The following ROR1 variants were observed in gnomAD, a reference collection of about 807,000 sequenced individuals.
The protein encoded by ROR1 is ROR family WNT receptor 1, also known as inactive tyrosine-protein kinase transmembrane receptor ROR1.
ROR1 carries 19 observed loss-of-function variants against 78.8 expected under a neutral mutation model. The ratio of observed to expected loss-of-function variants is 0.24; its 90% CI spans 0.17 to 0.35. ROR1 has a LOEUF of 0.35. Ranked by LOEUF, ROR1 falls within the 10% of genes least tolerant of loss-of-function variation. ROR1 has a pLI of 1.00. For synonymous variants in ROR1, 386 were observed against 433.6 expected, an observed-to-expected ratio of 0.89 and a Z score of 1.36; for missense variants, 917 against 1,177.8, an observed-to-expected ratio of 0.78 and a Z score of 3.24.
chr1:64,029,536 G>A (rs897120645), intron 2 of ROR1, among the ~76,000 whole-genome samples: 4 of 152,110 alleles, frequency 2.6e-5, no homozygotes. Flanking sequence ...CAGTTCTGGA[G>A]GCTGGAAAGT....
chr1:64,046,894 A>T (rs1646789310), intron 2 of ROR1, among the ~76,000 whole-genome samples: 1 of 152,264 alleles, frequency 6.6e-6, no homozygotes, highest in African/African-American at 2.4e-5. Context: ...ATTGTAAAAC[A>T]GTGATAATGA....
chr1:63,785,888 G>A (rs1644681975), intron 1 of ROR1, among the ~76,000 whole-genome samples: 1 of 152,156 alleles, frequency 6.6e-6, no homozygotes, highest in South Asian at 2.1e-4. Context: ...CTTTTTCTCT[G>A]TGCGGCTCAT....
At chr1:63,924,986 C>T (rs1336233394) in intron 1 of ROR1, among the ~76,000 whole-genome samples, 1 of 145,910 alleles carries the variant, frequency 6.9e-6, no homozygotes, top group African/African-American at 2.5e-5. Context: ...CCAGATGACA[C>T]CTTTTTCTTT....
Position 63,789,215 on chromosome 1 carries a change from A to G in ROR1, c.91+14707A>G, listed in dbSNP as rs959167480. The G allele has an allele frequency of 5.0e-5, 30 of 595,210 alleles. 1 individual carries two copies. Among genetic ancestry groups the G allele is most frequent in the Admixed American group, 9.4e-5 (5 of 52,980 alleles). 36.9% of individuals were successfully genotyped at this position (595,210 alleles called of 1,614,324 possible). On this transcript the variant is annotated intron_variant, in intron 1 of 8. Transcript: ENST00000371079. ...GACAGGAGTTGGCATTGGAGATTTCATTGGTTTCATTGGGGTCCAACCAGA... is the reference window on the plus strand; with the variant it reads ...GACAGGAGTTGGCATTGGAGATTTCGTTGGTTTCATTGGGGTCCAACCAGA...
intron 4 of ROR1, among the ~76,000 whole-genome samples, chr1:64,124,437 T>C (rs1255566410): frequency 6.6e-6 from 1 of 152,158 alleles, no homozygotes; most frequent in Non-Finnish European, 1.5e-5. Context: ...TTTTCTTCAC[T>C]GTCTATTCTC....
intron 1 of ROR1, among the ~76,000 whole-genome samples, chr1:63,933,401 TC>T (rs1407774708): frequency 6.6e-6 from 1 of 152,134 alleles, no homozygotes; most frequent in East Asian, 1.9e-4. Flanking sequence ...TCCCTTTACA[TC>T]CCCAGAAGTG....
In ROR1 at chr1:63,806,517, CTG is replaced by C. The variant is rs1317975452; in HGVS notation, c.91+32010_91+32011del. ...TATTTTTAGTAGAGACGGAGTTTCA[CTG>C]CGTTAGCCAGGATGGTCTCGATCTC... On this transcript the variant is annotated intron_variant, in intron 1 of 8. Coordinates refer to ENST00000371079, the MANE Select transcript of ROR1 (RefSeq NM_005012.4). 2.6e-5 allele frequency among the ~76,000 whole-genome samples: 4 copies of C among 152,288 alleles called. No individual in the cohort carries two copies. The South Asian group carries it at 6.2e-4, about 24-fold the overall frequency.
intron 1 of ROR1, among the ~76,000 whole-genome samples, chr1:63,974,484 G>A (rs75236911): frequency 5.3e-5 from 8 of 151,960 alleles, no homozygotes; most frequent in Non-Finnish European, 8.8e-5. Flanking sequence ...CCCCTGTCAC[G>A]CAGGCTGGAG....
At chr1:63,840,795 G>T (rs1645045062) in intron 1 of ROR1, among the ~76,000 whole-genome samples, 1 of 152,092 alleles carries the variant, frequency 6.6e-6, no homozygotes, top group Admixed American at 6.6e-5. Flanking sequence ...ACTTTCTGCT[G>T]GGTGAACCGG....
At chr1:63,839,712 A>G (rs1645038398) in intron 1 of ROR1, among the ~76,000 whole-genome samples, 1 of 152,120 alleles carries the variant, frequency 6.6e-6, no homozygotes, top group African/African-American at 2.4e-5. Context: ...CATAAATGTA[A>G]TCATCTTGTC....
chr1:63,913,450 G>A (rs1325154747), intron 1 of ROR1, among the ~76,000 whole-genome samples: 1 of 152,008 alleles, frequency 6.6e-6, no homozygotes, highest in African/African-American at 2.4e-5. Flanking sequence ...TAAAATTGGG[G>A]GTATGCTGTG....
intron 4 of ROR1, among the ~76,000 whole-genome samples, chr1:64,093,862 TA>T (rs1312926284): frequency 6.6e-6 from 1 of 152,218 alleles, no homozygotes; most frequent in African/African-American, 2.4e-5. Context: ...AAAAATTATG[TA>T]CCAGTGTGCT....
chr1:63,813,147 G>A (rs1404309911), intron 1 of ROR1, among the ~76,000 whole-genome samples: 2 of 152,088 alleles, frequency 1.3e-5, no homozygotes, highest in East Asian at 3.8e-4. Flanking sequence ...CATTAGAAGT[G>A]CACTTTAAAA....
chr1:64,055,863 C>A (rs1480371594), intron 4 of ROR1, among the ~76,000 whole-genome samples: 1 of 152,190 alleles, frequency 6.6e-6, no homozygotes, highest in African/African-American at 2.4e-5. Flanking sequence ...GCTATAGTAG[C>A]TTCTAATTTA....
intron 4 of ROR1, among the ~76,000 whole-genome samples, chr1:64,072,172 T>A (rs1647009316): frequency 6.6e-6 from 1 of 152,226 alleles, no homozygotes; most frequent in Non-Finnish European, 1.5e-5. Context: ...GGAATAACAA[T>A]AGCATCTATG....
At chr1:63,842,432 A>G (rs184588596) in intron 1 of ROR1, among the ~76,000 whole-genome samples, 3 of 152,316 alleles carry the variant, frequency 2.0e-5, no homozygotes, top group Non-Finnish European at 4.4e-5. Flanking sequence ...CATGAAGTGC[A>G]TTGCGTTACA....
rs139611029 is a variant in ROR1 at position 63,816,762 on chromosome 1, C to T, written c.91+42254C>T. On this transcript the variant is annotated intron_variant, in intron 1 of 8. Transcript: ENST00000371079. The stretch of plus-strand genomic sequence containing the variant: ...ACCAACCTTGTGAAGCCTCCTTGAG[C>T]AGCCATGTCTTCATTTGTAAGATGA... Among the ~76,000 whole-genome samples, 366 of 152,316 alleles carry T rather than the reference C, an allele frequency of 2.4e-3. 3 individuals carry two copies. Among genetic ancestry groups the T allele is most frequent in the African/African-American group, 8.0e-3 (332 of 41,576 alleles).
At chr1:63,924,906 T>G (rs1645686912) in intron 1 of ROR1, among the ~76,000 whole-genome samples, 1 of 150,736 alleles carries the variant, frequency 6.6e-6, no homozygotes, top group East Asian at 1.9e-4. Flanking sequence ...TGGAAGGTTT[T>G]GCGGATTGGA....
intron 2 of ROR1, among the ~76,000 whole-genome samples, chr1:64,012,450 C>T (rs934661309): frequency 2.0e-5 from 3 of 152,072 alleles, no homozygotes; most frequent in African/African-American, 7.2e-5. Context: ...AAAAACTTGG[C>T]CTGGAATTGA....
Sources: allele counts gnomAD v4.1 joint callset (sites outside exome capture counted in the v4.1 genomes callset), GRCh38; gene constraint gnomAD v4.1.1; transcripts MANE v1.5; gene names NCBI Gene and HGNC (gene_info 2026-07-23, HGNC 2026-07-21).